The following NTN4 variants were observed in gnomAD, a reference collection of about 807,000 sequenced individuals.
NTN4 encodes netrin-4.
NTN4 carries 32 observed loss-of-function variants against 73.6 expected under a neutral mutation model. The ratio of observed to expected loss-of-function variants is 0.44; its 90% CI spans 0.33 to 0.58. The LOEUF (loss-of-function observed/expected upper bound fraction) is 0.58. Among genes scored for constraint, NTN4 ranks in the 20% least tolerant of loss-of-function variants. The pLI, the probability that NTN4 is intolerant of heterozygous loss-of-function variation, is 0.04. For missense variants in NTN4, 654 were observed against 798.3 expected (o/e 0.82, Z 2.18); for synonymous variants, 258 against 287.5 (o/e 0.90, Z 1.04).
chr12:95,697,950 A>T (rs558337705), intron 5 of NTN4, among the ~76,000 whole-genome samples: 39 of 152,236 alleles, frequency 2.6e-4, no homozygotes, highest in Non-Finnish European at 5.1e-4. Flanking sequence ...CCAGTAAAAA[A>T]TAGCAATACA....
Position 95,764,155 on chromosome 12 carries a change from G to A in NTN4, c.585+22784C>T, listed in dbSNP as rs562599796. On this transcript the variant is annotated intron_variant, in intron 2 of 9. Transcript: ENST00000343702. ...CAAGGCTGAGTCATAGAAGGGTGGGGTTGTGGAGAGCCACAGCTGTAAAAC... is the reference window on the plus strand; with the variant it reads ...CAAGGCTGAGTCATAGAAGGGTGGGATTGTGGAGAGCCACAGCTGTAAAAC... Among the ~76,000 whole-genome samples the A allele has an allele frequency of 1.3e-4, 20 of 152,358 alleles. No homozygotes were observed. In the East Asian group the frequency reaches 3.7e-3, roughly 28 times the overall value.
intron 3 of NTN4, among the ~76,000 whole-genome samples, chr12:95,734,900 G>A (rs1043852823): frequency 9.9e-5 from 15 of 152,100 alleles, no homozygotes; most frequent in Admixed American, 4.6e-4. Context: ...TTGGCCAGGC[G>A]TAGTGGCACA....
chr12:95,739,569 T>G (rs746276123), intron 2 of NTN4, among the ~76,000 whole-genome samples: 2 of 152,236 alleles, frequency 1.3e-5, no homozygotes, highest in Non-Finnish European at 2.9e-5. Context: ...CATTATGGGC[T>G]TTATATGGAA....
chr12:95,735,558 T>C lies in NTN4; in HGVS notation c.864+2308A>G, dbSNP rs374280700. Reference sequence around the variant, plus strand: ...GTAAGAAAATGAGGTTTCCGTTCCATAGGGTTTTCTAGGATGGAGATGTCT... The same window carrying C: ...GTAAGAAAATGAGGTTTCCGTTCCACAGGGTTTTCTAGGATGGAGATGTCT... On this transcript the variant is annotated intron_variant, in intron 3 of 9. Transcript: ENST00000343702. Among the ~76,000 whole-genome samples, 433 of 152,336 alleles carry C rather than the reference T, an allele frequency of 2.8e-3. 2 individuals are homozygous for C. Among genetic ancestry groups the C allele is most frequent in the African/African-American group, 9.9e-3 (411 of 41,578 alleles).
At chr12:95,712,082 T>C (rs2078568524) in intron 4 of NTN4, among the ~76,000 whole-genome samples, 1 of 152,238 alleles carries the variant, frequency 6.6e-6, no homozygotes, top group Non-Finnish European at 1.5e-5. Context: ...TCTCACAGTT[T>C]TACCCACAGA....
At chr12:95,667,079 T>C (rs939349113) in intron 8 of NTN4, among the ~76,000 whole-genome samples, 2 of 152,176 alleles carry the variant, frequency 1.3e-5, no homozygotes, top group Non-Finnish European at 2.9e-5. Flanking sequence ...CGCCCTCCCA[T>C]TGATGAAATT....
intron 7 of NTN4, among the ~76,000 whole-genome samples, chr12:95,681,789 C>G (rs2078318029): frequency 6.6e-6 from 1 of 152,128 alleles, no homozygotes. Flanking sequence ...ACTCAAAGAG[C>G]TATATTTATG....
chr12:95,763,769 G>A (rs2079003691), intron 2 of NTN4, among the ~76,000 whole-genome samples: 1 of 152,152 alleles, frequency 6.6e-6, no homozygotes, highest in Admixed American at 6.5e-5. Context: ...TTTCCATAAT[G>A]TAATATTCAG....
chr12:95,690,062 T>C (rs2078390327), intron 5 of NTN4, among the ~76,000 whole-genome samples: 1 of 152,226 alleles, frequency 6.6e-6, no homozygotes, highest in South Asian at 2.1e-4. Context: ...AAACCAGAGA[T>C]AATGTACGTC....
At chr12:95,738,641 T>G (rs1420412268) in intron 2 of NTN4, among the ~76,000 whole-genome samples, 1 of 152,216 alleles carries the variant, frequency 6.6e-6, no homozygotes, top group African/African-American at 2.4e-5. Context: ...ACTGGGACAC[T>G]GTAGGCAGAG....
chr12:95,699,286 G>A (rs921390691), intron 5 of NTN4, among the ~76,000 whole-genome samples: 1 of 152,222 alleles, frequency 6.6e-6, no homozygotes, highest in African/African-American at 2.4e-5. Flanking sequence ...CCTTTGGGAA[G>A]GAATGGACTG....
Position 95,789,362 on chromosome 12 carries a change from C to T in NTN4, c.55+893G>A, listed in dbSNP as rs1450791639. Among the ~76,000 whole-genome samples, 2 of 152,190 alleles carry T rather than the reference C, an allele frequency of 1.3e-5. No homozygotes were observed. The highest frequency in any genetic ancestry group is 2.9e-5 in the Non-Finnish European group (2 of 68,038). ...CTTTCTGAAGCAGTCAAGATCCGCACGAGAGACTGGATGTCTGCAGACTCC... is the reference window on the plus strand; with the variant it reads ...CTTTCTGAAGCAGTCAAGATCCGCATGAGAGACTGGATGTCTGCAGACTCC... On this transcript the variant is annotated intron_variant, in intron 1 of 9. Coordinates refer to ENST00000343702, the MANE Select transcript of NTN4 (RefSeq NM_021229.4). The surrounding 1 kb of genome is among the most constrained non-coding windows in gnomAD (Gnocchi z 4.0).
intron 7 of NTN4, among the ~76,000 whole-genome samples, chr12:95,674,323 T>C (rs1455175251): frequency 1.3e-5 from 2 of 152,220 alleles, no homozygotes; most frequent in Non-Finnish European, 2.9e-5. Context: ...TCTTTAACCC[T>C]TCAGCCTAGA....
intron 5 of NTN4, among the ~76,000 whole-genome samples, chr12:95,688,546 A>G (rs1004056666): frequency 2.0e-5 from 3 of 152,170 alleles, no homozygotes; most frequent in African/African-American, 7.2e-5. Flanking sequence ...TCTTAAATAT[A>G]TCCTGGAAAC....
chr12:95,753,874 T>C (rs899280659), intron 2 of NTN4, among the ~76,000 whole-genome samples: 2 of 152,152 alleles, frequency 1.3e-5, no homozygotes, highest in African/African-American at 4.8e-5. Flanking sequence ...ACTTAGACTG[T>C]GCCCCAAAAA....
Position 95,682,764 on chromosome 12 carries a change from T to C in NTN4, c.1453A>G (p.Ser485Gly). 6.2e-7 allele frequency: 1 copy of C among 1,613,898 alleles called. No individual in the cohort carries two copies. Among genetic ancestry groups the C allele is most frequent in the East Asian group, 2.2e-5 (1 of 44,828 alleles). The change falls in exon 7 of 10, where the codon AGC (serine) becomes GGC (glycine). Residue 485 changes from serine (S) to glycine (G), a missense_variant. Transcript: ENST00000343702. The part of the protein sequence containing the change: ...VPDFRPVHNK[S>G]EPAWEWEDAQ... ...TCCTCCCACTCCCAGGCTGGTTCGC[T>C]CTTATTGTGCACGGGACGGAAGTCA... is the stretch of plus-strand genomic sequence containing the variant.
chr12:95,785,901 T>C (rs1161962645), intron 2 of NTN4, among the ~76,000 whole-genome samples: 1 of 152,116 alleles, frequency 6.6e-6, no homozygotes, highest in African/African-American at 2.4e-5. Context: ...TAGATAATTT[T>C]TGGTTGGGGA....
chr12:95,683,735 G>A (rs2120995027), intron 5 of NTN4, 24 bp from the exon 6 acceptor site: 1 of 1,554,718 alleles, frequency 6.4e-7, no homozygotes, highest in Non-Finnish European at 8.8e-7. Flanking sequence ...GACACGCAAG[G>A]ATCAAAGACT....
At position 95,790,383 on chromosome 12, in the gene NTN4, A is replaced by T; in HGVS notation, c.-74T>A. ...CCGAGACCTCTGGGCTGCGGGATGA[A>T]GCGCCGCCGTCCTCGGGAGGGAACG... On this transcript the variant is annotated 5_prime_UTR_variant, in exon 1 of 10. Coordinates refer to ENST00000343702, the MANE Select transcript of NTN4 (RefSeq NM_021229.4). This position sits in a 1 kb window ranked among gnomAD's most constrained non-coding sequence, Gnocchi z 6.5. 1 of 1,288,698 alleles carries T rather than the reference A, an allele frequency of 7.8e-7. No individual in the cohort carries two copies. The highest frequency in any genetic ancestry group is 1.0e-6 in the Non-Finnish European group (1 of 956,128). The allele number at this position is 1,288,698 out of a possible 1,614,324, so 79.8% of individuals were successfully genotyped here.
Sources: allele counts gnomAD v4.1 joint callset (sites outside exome capture counted in the v4.1 genomes callset), GRCh38; gene constraint gnomAD v4.1.1; non-coding constraint Gnocchi (gnomAD v3.1); transcripts MANE v1.5; gene names NCBI Gene and HGNC (gene_info 2026-07-23, HGNC 2026-07-21).